The following INTS8 variants were observed in gnomAD, a reference collection of about 807,000 sequenced individuals.
INTS8 encodes integrator complex subunit 8.
Under a neutral mutation model 138.9 loss-of-function variants are expected in INTS8, and 47 were observed. The ratio of observed to expected loss-of-function variants is 0.34; its 90% CI spans 0.27 to 0.43. The LOEUF is 0.43. INTS8 is among the 20% of genes least tolerant of loss of function. The probability of loss-of-function intolerance (pLI) is 1.00; values close to 1 mark genes in which losing one functional copy is unlikely to be tolerated. For missense variants in INTS8, 996 were observed against 1,173.0 expected, an observed-to-expected ratio of 0.85 and a Z score of 2.20; for synonymous variants, 392 against 400.9, an observed-to-expected ratio of 0.98 and a Z score of 0.27.
rs781602466 is a variant in INTS8 at position 94,829,050 on chromosome 8, A to G, written c.570+24A>G. 1.9e-6 allele frequency: 3 copies of G among 1,555,676 alleles called. No individual in the cohort carries two copies. In the Admixed American group the frequency reaches 5.3e-5, roughly 28 times the overall value. On this transcript the variant is annotated intron_variant, in intron 5 of 26. Transcript: ENST00000523731. ...TGGTAAGTATTGGCATCAGTTACAC[A>G]GTAACACTTCAGGAACAACTTTAGA...
At chr8:94,866,556 A>AT (rs1477858243) in intron 18 of INTS8, among the ~76,000 whole-genome samples, 2 of 152,150 alleles carry the variant, frequency 1.3e-5, no homozygotes, top group African/African-American at 4.8e-5. Context: ...CAGTGCTGGG[A>AT]TTACAGGTGT....
chr8:94,850,449 A>G (rs1426077303), intron 12 of INTS8, among the ~76,000 whole-genome samples: 1 of 152,058 alleles, frequency 6.6e-6, no homozygotes, highest in Non-Finnish European at 1.5e-5. Context: ...CGCCTCTACT[A>G]AAAATACAAA....
chr8:94,834,049 G>A (rs1370538490), intron 6 of INTS8, among the ~76,000 whole-genome samples: 2 of 152,096 alleles, frequency 1.3e-5, no homozygotes, highest in African/African-American at 4.8e-5. Context: ...TGGGATTACC[G>A]GTGTGAGCCA....
chr8:94,853,686 T>G (rs897133862), intron 13 of INTS8, 119 bp from the exon 14 acceptor site: 1 of 587,496 alleles, frequency 1.7e-6, no homozygotes, highest in Non-Finnish European at 3.0e-6. Flanking sequence ...TCCTTTCTCT[T>G]TAAGAGACGA....
chr8:94,828,822 T>C (rs1814606418), intron 4 of INTS8, among the ~76,000 whole-genome samples, 153 bp from the exon 5 acceptor site: 1 of 152,218 alleles, frequency 6.6e-6, no homozygotes, highest in Non-Finnish European at 1.5e-5. Flanking sequence ...ATCATAATAG[T>C]TGAGGGTTTT....
chr8:94,853,392 G>A (rs891126038), intron 13 of INTS8, among the ~76,000 whole-genome samples: 6 of 152,116 alleles, frequency 3.9e-5, no homozygotes, highest in African/African-American at 7.2e-5. Context: ...GGGACTAACC[G>A]CGTGCTTAAG....
At chr8:94,877,320 G>A (rs1001580983) in intron 26 of INTS8, among the ~76,000 whole-genome samples, 3 of 152,094 alleles carry the variant, frequency 2.0e-5, no homozygotes, top group African/African-American at 7.2e-5. Flanking sequence ...TATTTATTAA[G>A]GGTCTTTTAA....
At chr8:94,873,047 C>A (rs1227210314) in intron 21 of INTS8, among the ~76,000 whole-genome samples, 1 of 152,146 alleles carries the variant, frequency 6.6e-6, no homozygotes, top group Non-Finnish European at 1.5e-5. Flanking sequence ...ATTTCCACCC[C>A]AGCCCCCAAA....
intron 12 of INTS8, 128 bp downstream of exon 12, chr8:94,850,219 C>A: frequency 1.6e-6 from 1 of 640,310 alleles, no homozygotes; most frequent in South Asian, 2.2e-5. Flanking sequence ...AATAGAAATT[C>A]ACCTGTCTTC....
At chr8:94,828,868 C>T in intron 4 of INTS8, 107 bp from the exon 5 acceptor site, 1 of 708,866 alleles carries the variant, frequency 1.4e-6, no homozygotes, top group South Asian at 1.6e-5. Flanking sequence ...ACATTAAAAA[C>T]ACTCTTAAAT....
At chr8:94,867,698 A>G (rs1195398717) in intron 20 of INTS8, 1 of 168,464 alleles carries the variant, frequency 5.9e-6, no homozygotes, top group East Asian at 1.7e-4. Context: ...TAATTTTTGT[A>G]TTTTTAGTAG....
intron 26 of INTS8, 27 bp from the exon 27 acceptor site, chr8:94,880,091 A>G: frequency 3.3e-6 from 5 of 1,511,632 alleles, no homozygotes; most frequent in Non-Finnish European, 4.6e-6. Context: ...ACACACCTCT[A>G]ATAACATCAC....
intron 2 of INTS8, among the ~76,000 whole-genome samples, chr8:94,826,296 T>C (rs979920809): frequency 2.0e-5 from 3 of 152,214 alleles, no homozygotes; most frequent in Admixed American, 6.5e-5. Context: ...TTTTTTTTTT[T>C]TTTGAGACGG....
At chr8:94,841,646 C>G (rs1815137553) in intron 9 of INTS8, 55 bp downstream of exon 9, 2 of 896,212 alleles carry the variant, frequency 2.2e-6, no homozygotes, top group East Asian at 2.5e-5. Flanking sequence ...CAAGTGCATT[C>G]TGGTTTATCA....
At chr8:94,860,899 CAA>C (rs1247675693) in intron 16 of INTS8, among the ~76,000 whole-genome samples, 1 of 150,574 alleles carries the variant, frequency 6.6e-6, no homozygotes, top group Non-Finnish European at 1.5e-5. Context: ...ACTAAAAATA[CAA>C]AAAAAATTAG....
rs59821282 is a variant in INTS8 at position 94,854,128 on chromosome 8, A to G, written c.1752+213A>G. On this transcript the variant is annotated intron_variant, in intron 14 of 26. Transcript: ENST00000523731. ...ATCTCAGCTACTCGGAGTCTGAGGC[A>G]GGAGAATCTCATGGGAGGTGGAGGT... Among the ~76,000 whole-genome samples, 523 of 147,730 alleles carry G rather than the reference A, an allele frequency of 3.5e-3. 7 individuals carry two copies. Among genetic ancestry groups the G allele is most frequent in the Admixed American group, 0.024 (358 of 14,902 alleles).
rs770111588 is a variant in INTS8 at position 94,844,000 on chromosome 8, CT to C, written c.1260+1523del. On this transcript the variant is annotated intron_variant, in intron 10 of 26. Transcript: ENST00000523731. ...GGTACCTTTTCCAAGTGTTATGCCTCTTTTTTTTTTTGAGATAGAGTTCTGC... is the reference window on the plus strand; with the variant it reads ...GGTACCTTTTCCAAGTGTTATGCCTCTTTTTTTTTTGAGATAGAGTTCTGC... Among the ~76,000 whole-genome samples, 763 of 126,474 alleles carry C rather than the reference CT, an allele frequency of 6.0e-3. 6 individuals carry two copies. Among genetic ancestry groups the C allele is most frequent in the African/African-American group, 0.018 (626 of 34,950 alleles). The allele number at this position is 126,474 out of a possible 152,430, so 83.0% of individuals were successfully genotyped here.
At chr8:94,840,108 C>G (rs534086109) in intron 8 of INTS8, among the ~76,000 whole-genome samples, 6 of 152,178 alleles carry the variant, frequency 3.9e-5, no homozygotes, top group Non-Finnish European at 7.3e-5. Flanking sequence ...ACATGCAGGA[C>G]TCTCTTAGAA....
At position 94,881,463 on chromosome 8, in the gene INTS8, T is replaced by C; in HGVS notation, c.*1229T>C. 1.6e-6 allele frequency: 1 copy of C among 606,130 alleles called. No individual in the cohort carries two copies. Among genetic ancestry groups the C allele is most frequent in the Middle Eastern group, 3.9e-4 (1 of 2,552 alleles). The allele number at this position is 606,130 out of a possible 1,614,324, so 37.5% of individuals were successfully genotyped here. On this transcript the variant is annotated 3_prime_UTR_variant, in exon 27 of 27. Transcript: ENST00000523731. ...ACAGCTAACATAGGAAATAATTAAATGTATTCTTTAGTGCCAATTGTAAGT... is the reference window on the plus strand; with the variant it reads ...ACAGCTAACATAGGAAATAATTAAACGTATTCTTTAGTGCCAATTGTAAGT...
Sources: allele counts gnomAD v4.1 joint callset (sites outside exome capture counted in the v4.1 genomes callset), GRCh38; gene constraint gnomAD v4.1.1; transcripts MANE v1.5; gene names NCBI Gene and HGNC (gene_info 2026-07-23, HGNC 2026-07-21).